STX8: variants seen among roughly 807,000 people sequenced by gnomAD.
STX8 encodes syntaxin 8, also known as syntaxin-8.
In STX8, 23 loss-of-function variants were observed where a neutral mutation model predicts 37.5. The observed-to-expected ratio is 0.61, with a 90% CI of 0.44 to 0.87. The LOEUF is 0.87. Among genes scored for constraint, STX8 ranks in the 40% least tolerant of loss-of-function variants. The probability of loss-of-function intolerance (pLI) is 0.00; values close to 1 mark genes in which losing one functional copy is unlikely to be tolerated. For missense variants in STX8, 313 were observed against 284.7 expected (o/e 1.10, Z -0.71); for synonymous variants, 115 against 99.1 (o/e 1.16, Z -0.95).
chr17:9,272,299 T>G (rs977623647), intron 7 of STX8, among the ~76,000 whole-genome samples: 2 of 152,232 alleles, frequency 1.3e-5, no homozygotes, highest in African/African-American at 4.8e-5. Context: ...GACGCTGCCT[T>G]CTTCCTCACA....
chr17:9,497,208 T>A (rs1233516409), intron 5 of STX8, among the ~76,000 whole-genome samples: 1 of 152,076 alleles, frequency 6.6e-6, no homozygotes, highest in Non-Finnish European at 1.5e-5. Flanking sequence ...TAAAGAAACT[T>A]AAGAGACATA....
chr17:9,417,953 TC>T (rs757127522), intron 6 of STX8, among the ~76,000 whole-genome samples: 1 of 152,196 alleles, frequency 6.6e-6, no homozygotes, highest in African/African-American at 2.4e-5. Flanking sequence ...ATCAGGCTGT[TC>T]CTTGCATCCC....
chr17:9,309,551 T>C (rs2142188980), intron 7 of STX8, among the ~76,000 whole-genome samples: 1 of 152,282 alleles, frequency 6.6e-6, no homozygotes, highest in South Asian at 2.1e-4. Flanking sequence ...TTCATCCCCC[T>C]AAATCCCTGG....
intron 6 of STX8, among the ~76,000 whole-genome samples, chr17:9,472,664 C>T (rs1040948930): frequency 1.3e-4 from 20 of 152,206 alleles, no homozygotes; most frequent in African/African-American, 4.3e-4. Context: ...GCTGCTACAG[C>T]TGGATGGGCC....
At chr17:9,482,922 A>G (rs61234589) in intron 6 of STX8, among the ~76,000 whole-genome samples, 5,229 of 152,258 alleles carry the variant, frequency 0.034, 292 homozygotes, top group African/African-American at 0.12. Context: ...CTCAAAAAAC[A>G]AAACAAAACA....
At chr17:9,283,173 T>G (rs1907950904) in intron 7 of STX8, 1 of 152,212 alleles carries the variant, frequency 6.6e-6, no homozygotes, top group South Asian at 2.1e-4. Context: ...CAAAAAGCTG[T>G]GGACAATTAG....
intron 1 of STX8, among the ~76,000 whole-genome samples, chr17:9,571,985 A>T (rs1453993999): frequency 6.6e-6 from 1 of 152,136 alleles, no homozygotes; most frequent in Non-Finnish European, 1.5e-5. Flanking sequence ...TAATCACAGA[A>T]ATTGGGTGGT....
intron 7 of STX8, among the ~76,000 whole-genome samples, chr17:9,301,537 C>T (rs796872851): frequency 1.2e-4 from 18 of 151,892 alleles, no homozygotes; most frequent in African/African-American, 4.3e-4. Flanking sequence ...GGCTGGAGTG[C>T]AGTGGCGCGA....
In STX8 at chr17:9,557,025, A is replaced by G. The variant is rs573899049; in HGVS notation, c.212+409T>C. ...TACTGGTATTGCCCACTCCGAAAAT[A>G]AATGGATCATTAAAAACTCTGGAAA... On this transcript the variant is annotated intron_variant, in intron 3 of 7. Transcript: ENST00000306357. The G allele has an allele frequency of 4.8e-5, 8 of 166,120 alleles. No individual in the cohort carries two copies. In the South Asian group the frequency reaches 1.3e-3, roughly 27 times the overall value. The allele number at this position is 166,120 out of a possible 1,614,324, so 10.3% of individuals were successfully genotyped here.
chr17:9,378,709 G>A (rs1911688678), intron 6 of STX8, 56 bp from the exon 7 acceptor site: 2 of 1,297,330 alleles, frequency 1.5e-6, no homozygotes, highest in African/African-American at 1.5e-5. Context: ...TCACATCACA[G>A]TATCACAGCT....
chr17:9,451,766 T>C (rs1165958754), intron 6 of STX8, among the ~76,000 whole-genome samples: 2 of 150,384 alleles, frequency 1.3e-5, no homozygotes, highest in African/African-American at 4.9e-5. Context: ...TATATTCATA[T>C]ATACACAAAA....
intron 7 of STX8, among the ~76,000 whole-genome samples, chr17:9,340,026 C>T (rs895236554): frequency 1.3e-5 from 2 of 152,232 alleles, no homozygotes; most frequent in Non-Finnish European, 2.9e-5. Flanking sequence ...GACGCAACCG[C>T]GGGATCCTCC....
intron 6 of STX8, among the ~76,000 whole-genome samples, chr17:9,484,961 A>C (rs1257782059): frequency 6.6e-6 from 1 of 152,184 alleles, no homozygotes; most frequent in Non-Finnish European, 1.5e-5. Flanking sequence ...ACTAGTGTGG[A>C]CTTTATCAGG....
rs540149537 is a variant in STX8, at chr17:9,270,145, A to AT, written c.644-19501dup. On this transcript the variant is annotated intron_variant, in intron 7 of 7. Coordinates refer to ENST00000306357, the MANE Select transcript of STX8 (RefSeq NM_004853.3). ...CTCACATAATACATATGCAACATAT[A>AT]TTTATGTTTTTGTTGATTGGATAGC... Among the ~76,000 whole-genome samples the AT allele has an allele frequency of 7.2e-4, 110 of 152,348 alleles. 1 individual carries two copies. Among genetic ancestry groups the AT allele is most frequent in the Non-Finnish European group, 1.3e-3 (90 of 68,040 alleles).
intron 7 of STX8, among the ~76,000 whole-genome samples, chr17:9,286,207 A>T (rs963263353): frequency 3.3e-5 from 5 of 152,236 alleles, no homozygotes; most frequent in African/African-American, 9.6e-5. Flanking sequence ...TTTGCAACTT[A>T]AATATTCGGT....
At chr17:9,525,614 G>A (rs1013636293) in intron 4 of STX8, among the ~76,000 whole-genome samples, 2 of 152,264 alleles carry the variant, frequency 1.3e-5, no homozygotes, top group African/African-American at 4.8e-5. Flanking sequence ...CCAAAGTGCT[G>A]GGATTACAAG....
intron 6 of STX8, among the ~76,000 whole-genome samples, chr17:9,434,515 T>A (rs989565786): frequency 6.6e-6 from 1 of 152,154 alleles, no homozygotes; most frequent in Non-Finnish European, 1.5e-5. Context: ...GGGTCTGGGA[T>A]CAAAGCAAAT....
intron 6 of STX8, among the ~76,000 whole-genome samples, chr17:9,401,612 T>A (rs1912620517): frequency 6.6e-6 from 1 of 152,220 alleles, no homozygotes; most frequent in Non-Finnish European, 1.5e-5. Context: ...ATGCCTCTCC[T>A]GTCTCAAATT....
At chr17:9,397,494 G>C (rs937300892) in intron 6 of STX8, among the ~76,000 whole-genome samples, 3 of 152,188 alleles carry the variant, frequency 2.0e-5, no homozygotes, top group African/African-American at 4.8e-5. Context: ...AGATAAGCAA[G>C]AGGATGAGGC....
Sources: allele counts gnomAD v4.1 joint callset (sites outside exome capture counted in the v4.1 genomes callset), GRCh38; gene constraint gnomAD v4.1.1; transcripts MANE v1.5; gene names NCBI Gene and HGNC (gene_info 2026-07-23, HGNC 2026-07-21).